Variants in HERC2 observed in about 807,000 individuals in gnomAD.
The protein encoded by HERC2 is HECT and RLD domain containing E3 ubiquitin protein ligase 2, also known as E3 ubiquitin-protein ligase HERC2.
A neutral mutation model predicts 537.7 loss-of-function variants in HERC2; 102 were observed. The observed-to-expected ratio is 0.19, with a 90% CI of 0.16 to 0.22. The LOEUF (loss-of-function observed/expected upper bound fraction) is 0.22, where lower values mean the gene tolerates loss of function less well. HERC2 is among the 10% of genes least tolerant of loss of function. The probability of loss-of-function intolerance (pLI) is 1.00; values close to 1 mark genes in which losing one functional copy is unlikely to be tolerated. For synonymous variants in HERC2, 2,224 were observed against 2,466.2 expected, an observed-to-expected ratio of 0.90 and a Z score of 2.91; for missense variants, 4,236 against 6,198.2, an observed-to-expected ratio of 0.68 and a Z score of 10.63.
chr15:28,129,884 C>T (rs1473337182), intron 83 of HERC2, among the ~76,000 whole-genome samples: 2 of 150,430 alleles, frequency 1.3e-5, no homozygotes, highest in African/African-American at 4.9e-5. Context: ...TCAAGTGATT[C>T]TCCTGCCTCA....
chr15:28,220,128 A>G (rs989984316), intron 37 of HERC2, among the ~76,000 whole-genome samples: 4 of 152,180 alleles, frequency 2.6e-5, no homozygotes, highest in South Asian at 2.1e-4. Context: ...TCGCTCAGAC[A>G]CAGGCTCAGC....
rs757023044 is a variant in HERC2 at position 28,222,258 on chromosome 15, A to G, written c.5465-43T>C. ...ACAATAGCTGAGCCAACAAGTAGCT[A>G]CAGTGTCCCCTTAATACACACAAAA... On this transcript the variant is annotated intron_variant, in intron 35 of 92. Transcript: ENST00000261609. 7 of 1,111,382 alleles carry G rather than the reference A, an allele frequency of 6.3e-6. No homozygotes were observed. In the South Asian group the frequency reaches 7.2e-5, roughly 11 times the overall value. 68.8% of individuals were successfully genotyped at this position (1,111,382 alleles called of 1,614,324 possible).
chr15:28,199,402 CATG>C (rs1270025684), intron 48 of HERC2, among the ~76,000 whole-genome samples: 3 of 152,170 alleles, frequency 2.0e-5, no homozygotes, highest in South Asian at 2.1e-4. Context: ...GATTGGTCAT[CATG>C]ATAATAAGGA....
intron 85 of HERC2, among the ~76,000 whole-genome samples, chr15:28,123,473 T>C (rs929769906): frequency 6.6e-6 from 1 of 152,196 alleles, no homozygotes; most frequent in African/African-American, 2.4e-5. Flanking sequence ...CTCCAACTAT[T>C]AGCAACATCT....
chr15:28,144,790 C>T lies in HERC2; in HGVS notation c.11023G>A (p.Asp3675Asn), dbSNP rs754991203. Residue 3675 changes from aspartate to asparagine, a missense_variant, in exon 72 of 93, where the codon GAC becomes AAC. Asp to Asn is a conservative substitution (Grantham distance 23). Coordinates refer to ENST00000261609, the MANE Select transcript of HERC2 (RefSeq NM_004667.6). The part of the protein sequence containing the change: ...VSVRSGREWS[D>N]WSSELRIPGD... ...GGGATGCGCAGCTCGCTGGACCAGT[C>T]GGACCACTCTCGGCCTGCGGGAGGA... is the stretch of plus-strand genomic sequence containing the variant. 6.2e-6 allele frequency: 10 copies of T among 1,614,086 alleles called. No homozygotes were observed. Among genetic ancestry groups the T allele is most frequent in the Non-Finnish European group, 8.5e-6 (10 of 1,180,036 alleles).
At chr15:28,130,094 G>A (rs1191608512) in intron 83 of HERC2, 69 bp downstream of exon 83, 15 of 1,584,224 alleles carry the variant, frequency 9.5e-6, no homozygotes, top group Admixed American at 1.7e-5. Context: ...TTAAGGCTGC[G>A]CATGTCCTTC....
chr15:28,294,128 T>C (rs1244771505), intron 3 of HERC2, among the ~76,000 whole-genome samples: 5 of 152,222 alleles, frequency 3.3e-5, no homozygotes, highest in East Asian at 3.8e-4. Flanking sequence ...TTGCACCAAG[T>C]AATTCTCCAG....
At position 28,160,983 on chromosome 15, in the gene HERC2, T is replaced by C. The variant is rs148626879; in HGVS notation, c.10746+2111A>G. 3.6e-3 allele frequency among the ~76,000 whole-genome samples: 549 copies of C among 152,348 alleles called. 6 individuals are homozygous for C. Among genetic ancestry groups the C allele is most frequent in the African/African-American group, 0.013 (523 of 41,588 alleles). On this transcript the variant is annotated intron_variant, in intron 69 of 92. Coordinates refer to ENST00000261609, the MANE Select transcript of HERC2 (RefSeq NM_004667.6). ...ATAATAGTGCTTATGGTAATTCACC[T>C]TGATTTCATCTCTTAGAATTATGCC...
Position 28,270,678 on chromosome 15 carries a change from G to A in HERC2, c.1257+17C>T, listed in dbSNP as rs770136368. 4.3e-6 allele frequency: 7 copies of A among 1,609,506 alleles called. No homozygotes were observed. The highest frequency in any genetic ancestry group is 1.7e-4 in the Middle Eastern group (1 of 6,058). On this transcript the variant is annotated intron_variant, in intron 10 of 92. Transcript: ENST00000261609. ...TAGCTACAAAACACATGGAGAACACGGTTCTTGCACACACACCTTATGAGA... is the reference window on the plus strand; with the variant it reads ...TAGCTACAAAACACATGGAGAACACAGTTCTTGCACACACACCTTATGAGA...
At position 28,258,225 on chromosome 15, in the gene HERC2, T is replaced by C. The variant is rs138443634; in HGVS notation, c.2317-964A>G. Reference sequence around the variant, plus strand: ...TGGCTCACGCCTGTAATCCAAACACTTTGGGAGGCCAAGGCGGCGGGGATC... The same window carrying C: ...TGGCTCACGCCTGTAATCCAAACACCTTGGGAGGCCAAGGCGGCGGGGATC... On this transcript the variant is annotated intron_variant, in intron 16 of 92. Transcript: ENST00000261609. Among the ~76,000 whole-genome samples, 542 of 152,158 alleles carry C rather than the reference T, an allele frequency of 3.6e-3. 6 individuals carry two copies. Among genetic ancestry groups the C allele is most frequent in the African/African-American group, 0.012 (517 of 41,516 alleles).
chr15:28,175,665 A>G lies in HERC2; in HGVS notation c.9687-9T>C. ...AGTAATCCCCCTTTCCCCTGAGAGA[A>G]GGCCCATGGTGGAGAGTTACAATAC... On this transcript the variant is annotated splice_polypyrimidine_tract_variant and intron_variant, in intron 63 of 92. Transcript: ENST00000261609. 4 of 1,614,086 alleles carry G rather than the reference A, an allele frequency of 2.5e-6. No homozygotes were observed. Among genetic ancestry groups the G allele is most frequent in the Non-Finnish European group, 3.4e-6 (4 of 1,179,980 alleles).
intron 2 of HERC2, among the ~76,000 whole-genome samples, chr15:28,305,184 A>G (rs1249124761): frequency 1.4e-5 from 2 of 147,128 alleles, no homozygotes; most frequent in African/African-American, 5.0e-5. Flanking sequence ...ATACGTGTGC[A>G]TGTGTCTTTA....
In HERC2 at chr15:28,117,196, G is replaced by C. The variant is rs187363692; in HGVS notation, c.13273-42C>G. ...AAGCAAGCGTGAGGCCGCTGCCGCA[G>C]CAGGAAGCACACAGTCGGGGATATG... On this transcript the variant is annotated intron_variant, in intron 86 of 92. Coordinates refer to ENST00000261609, the MANE Select transcript of HERC2 (RefSeq NM_004667.6). 3.9e-4 allele frequency: 632 copies of C among 1,601,910 alleles called. 1 individual carries two copies. In the East Asian group the frequency reaches 8.7e-3, roughly 22 times the overall value.
At chr15:28,162,330 A>C (rs1178427489) in intron 69 of HERC2, among the ~76,000 whole-genome samples, 1 of 152,218 alleles carries the variant, frequency 6.6e-6, no homozygotes, top group Non-Finnish European at 1.5e-5. Context: ...CTGTCTCAAA[A>C]ACCTTAGACG....
At chr15:28,168,736 T>C in intron 66 of HERC2, 146 bp from the exon 67 acceptor site, 1 of 629,446 alleles carries the variant, frequency 1.6e-6, no homozygotes, top group South Asian at 2.3e-5. Context: ...CTACCAAACA[T>C]TATTACCATG....
chr15:28,284,917 C>T (rs530417987), intron 4 of HERC2, among the ~76,000 whole-genome samples: 94 of 56,994 alleles, frequency 1.6e-3, no homozygotes, highest in African/African-American at 6.2e-3. Flanking sequence ...AACTCCGTCT[C>T]GGAAAAAAAA....
At chr15:28,317,566 G>A (rs1219646093) in intron 2 of HERC2, among the ~76,000 whole-genome samples, 16 of 152,284 alleles carry the variant, frequency 1.1e-4, no homozygotes, top group Admixed American at 9.8e-4. Context: ...AATCATTTCC[G>A]AAGGTCACAT....
At chr15:28,182,535 GAAAA>G in intron 56 of HERC2, 23 bp from the exon 57 acceptor site, 1 of 1,501,330 alleles carries the variant, frequency 6.7e-7, no homozygotes, top group Non-Finnish European at 9.2e-7. Flanking sequence ...AAAAAAAAAA[GAAAA>G]AGAAAAGAGA....
chr15:28,112,392 G>C (rs1887743099), intron 92 of HERC2, among the ~76,000 whole-genome samples: 1 of 152,186 alleles, frequency 6.6e-6, no homozygotes, highest in Non-Finnish European at 1.5e-5. Flanking sequence ...TACAGATTAA[G>C]ATACTAGGAA....
Sources: gnomAD v4.1 joint callset for allele counts (sites outside exome capture counted in the v4.1 genomes callset) on GRCh38, gnomAD v4.1.1 for gene constraint, MANE v1.5 for transcripts, NCBI Gene and HGNC (gene_info 2026-07-23, HGNC 2026-07-21) for gene names.